RIT2: variants seen among roughly 807,000 people sequenced by gnomAD.
RIT2 encodes Ras like without CAAX 2, also known as GTP-binding protein Rit2.
In RIT2, 24 loss-of-function variants were observed where a neutral mutation model predicts 23.7. The observed-to-expected ratio is 1.01, with a 90% CI of 0.73 to 1.43. The LOEUF is 1.43. RIT2 is among the 40% of genes most tolerant of loss of function. RIT2 has a pLI of 0.00. For missense variants in RIT2, 236 were observed against 266.9 expected, an observed-to-expected ratio of 0.88 and a Z score of 0.81; for synonymous variants, 107 against 91.1, an observed-to-expected ratio of 1.17 and a Z score of -0.99.
At chr18:42,935,967 G>C (rs556329936) in intron 3 of RIT2, among the ~76,000 whole-genome samples, 23 of 151,860 alleles carry the variant, frequency 1.5e-4, no homozygotes, top group African/African-American at 5.6e-4. Context: ...CATTTGGCCC[G>C]CGGGCAATCC....
At chr18:42,776,426 C>T (rs1441534373) in intron 4 of RIT2, among the ~76,000 whole-genome samples, 1 of 152,142 alleles carries the variant, frequency 6.6e-6, no homozygotes, top group Non-Finnish European at 1.5e-5. Flanking sequence ...ATTATCATAA[C>T]TAATTTTTAA....
At chr18:43,065,671 G>T (rs1287816697) in intron 1 of RIT2, among the ~76,000 whole-genome samples, 1 of 152,000 alleles carries the variant, frequency 6.6e-6, no homozygotes, top group East Asian at 1.9e-4. Context: ...AATGGAAGTG[G>T]TTAGACACAT....
chr18:43,013,753 T>C (rs188434232), intron 2 of RIT2, among the ~76,000 whole-genome samples: 30 of 151,850 alleles, frequency 2.0e-4, no homozygotes, highest in Admixed American at 1.7e-3. Flanking sequence ...TGCTATGAAC[T>C]TGAAAACTAG....
intron 4 of RIT2, among the ~76,000 whole-genome samples, chr18:42,748,224 C>G (rs1179729994): frequency 6.6e-6 from 1 of 151,788 alleles, no homozygotes; most frequent in East Asian, 1.9e-4. Flanking sequence ...CTACAAGAGA[C>G]TGAAAGAAAT....
chr18:42,761,936 A>T (rs1208009189), intron 4 of RIT2, among the ~76,000 whole-genome samples: 1 of 152,230 alleles, frequency 6.6e-6, no homozygotes, highest in Non-Finnish European at 1.5e-5. Flanking sequence ...AATTTGTTTA[A>T]GTGCAAACCA....
intron 4 of RIT2, among the ~76,000 whole-genome samples, chr18:42,834,653 T>C (rs1411803849): frequency 6.6e-6 from 1 of 152,154 alleles, no homozygotes; most frequent in Admixed American, 6.6e-5. Flanking sequence ...AATTAATTTT[T>C]ACTGAGTAGT....
chr18:42,952,499 T>C (rs1909875652), intron 3 of RIT2, among the ~76,000 whole-genome samples: 2 of 152,216 alleles, frequency 1.3e-5, no homozygotes, highest in South Asian at 4.1e-4. Flanking sequence ...TATAGCATAC[T>C]GGAAATTTTT....
chr18:42,996,494 C>T (rs1910986466), intron 2 of RIT2, among the ~76,000 whole-genome samples: 1 of 152,024 alleles, frequency 6.6e-6, no homozygotes. Flanking sequence ...GATGACATTC[C>T]ACCACAAAAG....
intron 4 of RIT2, among the ~76,000 whole-genome samples, chr18:42,784,577 T>C (rs1263696593): frequency 6.6e-6 from 1 of 152,090 alleles, no homozygotes; most frequent in Non-Finnish European, 1.5e-5. Flanking sequence ...AGTAAAATAT[T>C]AGAATTACTA....
At chr18:43,096,226 G>A (rs1038362161) in intron 1 of RIT2, among the ~76,000 whole-genome samples, 2 of 151,852 alleles carry the variant, frequency 1.3e-5, no homozygotes, top group Non-Finnish European at 2.9e-5. Flanking sequence ...ATTAGCACCA[G>A]CACACCAGAC....
intron 4 of RIT2, among the ~76,000 whole-genome samples, chr18:42,755,183 T>G (rs2143890119): frequency 6.6e-6 from 1 of 152,314 alleles, no homozygotes; most frequent in East Asian, 1.9e-4. Context: ...AATTTTAACT[T>G]CTTTCAGATC....
rs892661239 is a variant in RIT2 at position 42,826,202 on chromosome 18, T to C, written c.427-82482A>G. Reference sequence around the variant, plus strand: ...AAAAAATCCTAATTGGGTTTATATATATTTAATCTCCAGTTGAAGCAGGCA... The same window carrying C: ...AAAAAATCCTAATTGGGTTTATATACATTTAATCTCCAGTTGAAGCAGGCA... On this transcript the variant is annotated intron_variant, in intron 4 of 4. Coordinates refer to ENST00000326695, the MANE Select transcript of RIT2 (RefSeq NM_002930.4). 2.6e-5 allele frequency among the ~76,000 whole-genome samples: 4 copies of C among 152,064 alleles called. No homozygotes were observed. In the East Asian group the frequency reaches 5.8e-4, roughly 22 times the overall value.
At chr18:43,016,271 T>C (rs1911472258) in intron 2 of RIT2, among the ~76,000 whole-genome samples, 1 of 151,910 alleles carries the variant, frequency 6.6e-6, no homozygotes. Context: ...TTAGTTGTTT[T>C]CTAATACACA....
intron 4 of RIT2, among the ~76,000 whole-genome samples, chr18:42,758,740 G>C (rs1913227997): frequency 6.6e-6 from 1 of 151,134 alleles, no homozygotes; most frequent in South Asian, 2.1e-4. Context: ...GGCTAGGCTG[G>C]TCTCAATCTC....
At chr18:43,068,452 C>A (rs1053625364) in intron 1 of RIT2, among the ~76,000 whole-genome samples, 2 of 152,034 alleles carry the variant, frequency 1.3e-5, no homozygotes, top group Non-Finnish European at 2.9e-5. Flanking sequence ...CAGGGAACAG[C>A]AGCAATTTTA....
intron 2 of RIT2, among the ~76,000 whole-genome samples, chr18:42,982,689 C>T (rs1440946730): frequency 6.6e-6 from 1 of 152,098 alleles, no homozygotes; most frequent in Non-Finnish European, 1.5e-5. Flanking sequence ...AGGATTTCAA[C>T]TTTCAGGACT....
In RIT2 at chr18:42,927,557, C is replaced by A. The variant is rs535464722; in HGVS notation, c.235-3794G>T. On this transcript the variant is annotated intron_variant, in intron 3 of 4. Coordinates refer to ENST00000326695, the MANE Select transcript of RIT2 (RefSeq NM_002930.4). ...ACATGTTGCTTCCGTCTTCATTCAC[C>A]TGTGAATTAAAGATCCCTATACTTT... 2.6e-5 allele frequency among the ~76,000 whole-genome samples: 4 copies of A among 152,014 alleles called. No individual in the cohort carries two copies. In the East Asian group the frequency reaches 7.8e-4, roughly 29 times the overall value.
intron 1 of RIT2, among the ~76,000 whole-genome samples, chr18:43,082,138 C>T (rs1249255618): frequency 6.6e-6 from 1 of 152,036 alleles, no homozygotes; most frequent in Non-Finnish European, 1.5e-5. Context: ...TGTATGTGTC[C>T]AGGAATTTAT....
At chr18:43,083,280 A>G (rs1041493426) in intron 1 of RIT2, among the ~76,000 whole-genome samples, 2 of 152,238 alleles carry the variant, frequency 1.3e-5, no homozygotes, top group African/African-American at 4.8e-5. Flanking sequence ...GGAAGAATTA[A>G]TATCATGAAA....
Sources: allele counts gnomAD v4.1 joint callset (sites outside exome capture counted in the v4.1 genomes callset), GRCh38; gene constraint gnomAD v4.1.1; transcripts MANE v1.5; gene names NCBI Gene and HGNC (gene_info 2026-07-23, HGNC 2026-07-21).